PTPRG: variants seen among roughly 807,000 people sequenced by gnomAD.
The protein encoded by PTPRG is protein tyrosine phosphatase receptor type G.
A neutral mutation model predicts 165.3 loss-of-function variants in PTPRG; 102 were observed. The ratio of observed to expected loss-of-function variants is 0.62; its 90% CI spans 0.53 to 0.73. The LOEUF is 0.73. PTPRG is among the 30% of genes least tolerant of loss of function. The probability of loss-of-function intolerance (pLI) is 0.00; values close to 1 mark genes in which losing one functional copy is unlikely to be tolerated. For synonymous variants in PTPRG, 675 were observed against 669.5 expected, an observed-to-expected ratio of 1.01 and a Z score of -0.13; for missense variants, 1,866 against 1,861.4, an observed-to-expected ratio of 1.00 and a Z score of -0.05.
At chr3:61,725,516 G>A (rs529529005) in intron 1 of PTPRG, among the ~76,000 whole-genome samples, 15 of 152,066 alleles carry the variant, frequency 9.9e-5, no homozygotes, top group Non-Finnish European at 2.1e-4. Flanking sequence ...TCAGTTGGCC[G>A]TACTCTGTGG....
chr3:62,125,661 G>A (rs577461580), intron 5 of PTPRG, among the ~76,000 whole-genome samples: 68 of 151,764 alleles, frequency 4.5e-4, no homozygotes, highest in African/African-American at 1.5e-3. Flanking sequence ...TTTGCCCCAG[G>A]CTTCCCCAGA....
At chr3:62,231,128 GT>G in intron 13 of PTPRG, 96 bp from the exon 14 acceptor site, 1 of 899,096 alleles carries the variant, frequency 1.1e-6, no homozygotes, top group Non-Finnish European at 1.6e-6. Context: ...GTCTGTCTGT[GT>G]TAGATGGGAG....
intron 4 of PTPRG, among the ~76,000 whole-genome samples, chr3:62,025,539 C>G (rs1250776233): frequency 1.3e-5 from 2 of 152,106 alleles, no homozygotes; most frequent in East Asian, 3.9e-4. Context: ...TCAAAGGGTT[C>G]TAAGGTTTTG....
chr3:61,773,278 T>G (rs1285142950), intron 2 of PTPRG, among the ~76,000 whole-genome samples: 3 of 152,118 alleles, frequency 2.0e-5, no homozygotes, highest in African/African-American at 7.2e-5. Flanking sequence ...ATTAGAAATT[T>G]AGAAGATGAA....
At chr3:61,626,041 C>T (rs1701600622) in intron 1 of PTPRG, among the ~76,000 whole-genome samples, 1 of 149,800 alleles carries the variant, frequency 6.7e-6, no homozygotes, top group African/African-American at 2.5e-5. Context: ...CGGGAGAGAT[C>T]ACTTTTAGGC....
chr3:61,966,626 G>GTT (rs369191247), intron 2 of PTPRG, among the ~76,000 whole-genome samples: 3 of 149,454 alleles, frequency 2.0e-5, no homozygotes, highest in Non-Finnish European at 4.5e-5. Flanking sequence ...ATTCATTCGT[G>GTT]TTTTTTTTTT....
chr3:61,564,895 C>G (rs1014317485), intron 1 of PTPRG, among the ~76,000 whole-genome samples: 1 of 152,216 alleles, frequency 6.6e-6, no homozygotes, highest in South Asian at 2.1e-4. Context: ...CTGGCTTTCT[C>G]GAAACCCGCT....
At chr3:61,591,847 A>G (rs1475211223) in intron 1 of PTPRG, among the ~76,000 whole-genome samples, 1 of 152,174 alleles carries the variant, frequency 6.6e-6, no homozygotes, top group East Asian at 1.9e-4. Flanking sequence ...AGGCATAACT[A>G]GCTAAGTTAC....
At chr3:62,277,884 T>C (rs1702286130) in intron 26 of PTPRG, among the ~76,000 whole-genome samples, 1 of 152,132 alleles carries the variant, frequency 6.6e-6, no homozygotes, top group Non-Finnish European at 1.5e-5. Context: ...GAGTCTCTGA[T>C]GCTATTGATA....
chr3:61,575,971 C>A (rs1700166369), intron 1 of PTPRG, among the ~76,000 whole-genome samples: 1 of 152,154 alleles, frequency 6.6e-6, no homozygotes, highest in South Asian at 2.1e-4. Context: ...GTTTAAGATT[C>A]ATGAAACAAA....
intron 2 of PTPRG, among the ~76,000 whole-genome samples, chr3:61,890,902 T>G (rs1212781270): frequency 6.6e-6 from 1 of 152,252 alleles, no homozygotes; most frequent in Non-Finnish European, 1.5e-5. Context: ...AGATAGCTCT[T>G]TGTTTTATAA....
chr3:62,113,079 C>T (rs1702727902), intron 5 of PTPRG, among the ~76,000 whole-genome samples: 1 of 152,146 alleles, frequency 6.6e-6, no homozygotes, highest in African/African-American at 2.4e-5. Context: ...TTTGGGAAAC[C>T]AGCTTCTTAG....
intron 2 of PTPRG, among the ~76,000 whole-genome samples, chr3:61,840,491 G>T (rs2036593489): frequency 1.3e-5 from 2 of 152,252 alleles, no homozygotes; most frequent in African/African-American, 4.8e-5. Context: ...TAAGCACTTT[G>T]TAAGTGTGTA....
At chr3:61,985,596 G>A (rs2040739619) in intron 2 of PTPRG, among the ~76,000 whole-genome samples, 1 of 152,138 alleles carries the variant, frequency 6.6e-6, no homozygotes, top group Admixed American at 6.5e-5. Context: ...ATTGTCCAAG[G>A]GAACTGGGGC....
chr3:61,807,242 T>C (rs1458451588), intron 2 of PTPRG, among the ~76,000 whole-genome samples: 1 of 152,190 alleles, frequency 6.6e-6, no homozygotes, highest in Admixed American at 6.5e-5. Context: ...TGTCAAAGAT[T>C]GATAAGAAAG....
intron 14 of PTPRG, among the ~76,000 whole-genome samples, chr3:62,238,707 C>G (rs570424722): frequency 1.3e-5 from 2 of 152,232 alleles, no homozygotes; most frequent in African/African-American, 4.8e-5. Context: ...ATTCTAAAAG[C>G]TCCCTAAGCC....
intron 1 of PTPRG, among the ~76,000 whole-genome samples, chr3:61,613,640 A>G (rs1394550133): frequency 6.6e-6 from 1 of 152,258 alleles, no homozygotes; most frequent in Non-Finnish European, 1.5e-5. Flanking sequence ...AAGCTATGAA[A>G]TCAGAATGAA....
intron 5 of PTPRG, among the ~76,000 whole-genome samples, chr3:62,103,639 T>A (rs909311639): frequency 1.3e-5 from 2 of 152,200 alleles, no homozygotes; most frequent in African/African-American, 4.8e-5. Context: ...CATTCTGATG[T>A]CATTTTGTGA....
At chr3:61,653,986 G>T (rs1390912916) in intron 1 of PTPRG, among the ~76,000 whole-genome samples, 2 of 152,088 alleles carry the variant, frequency 1.3e-5, no homozygotes. Context: ...GTTTTTCATG[G>T]ATGGCTCCAG....
Sources: gnomAD v4.1 joint callset for allele counts (sites outside exome capture counted in the v4.1 genomes callset) on GRCh38, gnomAD v4.1.1 for gene constraint, MANE v1.5 for transcripts, NCBI Gene and HGNC (gene_info 2026-07-23, HGNC 2026-07-21) for gene names.